Variants in CD80 observed in about 807,000 individuals in gnomAD.
The protein encoded by CD80 is CD80 molecule.
CD80 carries 13 observed loss-of-function variants against 27.1 expected under a neutral mutation model. The observed-to-expected ratio is 0.48, with a 90% CI of 0.31 to 0.76. CD80 has a LOEUF of 0.76. Ranked by LOEUF, CD80 falls within the 30% of genes least tolerant of loss-of-function variation. The pLI, the probability that CD80 is intolerant of heterozygous loss-of-function variation, is 0.04. For synonymous variants in CD80, 125 were observed against 125.5 expected (o/e 1.00, Z 0.03); for missense variants, 277 against 347.9 (o/e 0.80, Z 1.62).
intron 2 of CD80, among the ~76,000 whole-genome samples, chr3:119,556,751 C>T (rs2082266947): frequency 6.6e-6 from 1 of 152,128 alleles, no homozygotes; most frequent in Non-Finnish European, 1.5e-5. Flanking sequence ...CGGGTCTTTG[C>T]AGACTGGCAA....
intron 3 of CD80, among the ~76,000 whole-genome samples, chr3:119,538,409 C>G (rs573054031): frequency 6.6e-6 from 1 of 152,166 alleles, no homozygotes; most frequent in Non-Finnish European, 1.5e-5. Flanking sequence ...AACCCACCAT[C>G]CAACTTGAGA....
rs1207873013 is a variant in CD80, at chr3:119,525,004, A to C, written c.*784T>G. ...AACTAGCATAAAGCCATTTAAAGAG[A>C]TTATCAGTCCAATATGAACCAGTTA... On this transcript the variant is annotated 3_prime_UTR_variant, in exon 7 of 7. Transcript: ENST00000264246. 6.6e-6 allele frequency: 1 copy of C among 152,224 alleles called. No individual in the cohort carries two copies. The highest frequency in any genetic ancestry group is 1.5e-5 in the Non-Finnish European group (1 of 68,038). The allele number at this position is 152,224 out of a possible 1,614,324, so 9.4% of individuals were successfully genotyped here.
intron 3 of CD80, among the ~76,000 whole-genome samples, chr3:119,541,068 A>G (rs1476792409): frequency 6.6e-6 from 1 of 151,918 alleles, no homozygotes; most frequent in Non-Finnish European, 1.5e-5. Context: ...AAAAAGTTTC[A>G]AAATCTTTCT....
At chr3:119,536,757 T>G (rs2082140409) in intron 4 of CD80, among the ~76,000 whole-genome samples, 1 of 152,270 alleles carries the variant, frequency 6.6e-6, no homozygotes, top group Non-Finnish European at 1.5e-5. Flanking sequence ...TACAGTAATG[T>G]GCCATGTAAC....
At chr3:119,556,407 T>C (rs776800929) in intron 2 of CD80, among the ~76,000 whole-genome samples, 11 of 151,788 alleles carry the variant, frequency 7.2e-5, no homozygotes, top group Non-Finnish European at 1.6e-4. Context: ...AATTTCCTTC[T>C]ATATATTTTA....
At chr3:119,540,844 T>C (rs2082163964) in intron 3 of CD80, among the ~76,000 whole-genome samples, 2 of 151,840 alleles carry the variant, frequency 1.3e-5, no homozygotes, top group South Asian at 4.2e-4. Context: ...AGGTCAGGAG[T>C]TTGAGACCAC....
At chr3:119,542,477 AG>A (rs2082175423) in intron 3 of CD80, among the ~76,000 whole-genome samples, 1 of 152,178 alleles carries the variant, frequency 6.6e-6, no homozygotes. Context: ...CTCAAGTCCC[AG>A]GGGAAAAAGA....
chr3:119,544,443 G>T, intron 3 of CD80, 107 bp downstream of exon 3: 2 of 863,440 alleles, frequency 2.3e-6, no homozygotes, highest in Non-Finnish European at 1.8e-6. Flanking sequence ...GAAATGAAGT[G>T]AGATACATCC....
chr3:119,528,228 T>C (rs1229963068), intron 5 of CD80, among the ~76,000 whole-genome samples: 1 of 152,182 alleles, frequency 6.6e-6, no homozygotes, highest in Non-Finnish European at 1.5e-5. Context: ...AGAAACATCC[T>C]TGAGCCCACC....
Position 119,544,723 on chromosome 3 carries a change from T to A in CD80, c.245A>T (p.Asn82Ile), listed in dbSNP as rs140149683. 234 of 1,614,216 alleles carry A rather than the reference T, an allele frequency of 1.4e-4. 2 individuals are homozygous for A. In the African/African-American group the frequency reaches 2.8e-3, roughly 20 times the overall value. The change falls in exon 3 of 7, where the codon AAT becomes ATT. Residue 82 changes from asparagine (N) to isoleucine (I), a missense_variant. Physicochemically the swap from Asn to Ile is moderately radical, Grantham distance 149 (BLOSUM62 -3). Coordinates refer to ENST00000264246, the MANE Select transcript of CD80 (RefSeq NM_005191.4). ...CCGGTTCTTGTACTCGGGCCATATA[T>A]TCATGTCCCCAGACATCATAGTCAG... Reference protein sequence around the residue: ...MVLTMMSGDMNIWPEYKNRTI... With the variant: ...MVLTMMSGDMIIWPEYKNRTI...
chr3:119,552,548 C>G (rs1294279014), intron 2 of CD80, among the ~76,000 whole-genome samples: 1 of 143,662 alleles, frequency 7.0e-6, no homozygotes, highest in Admixed American at 6.9e-5. Context: ...AAGGACCTCT[C>G]AAGGGCTCAA....
chr3:119,536,229 C>T (rs1349660468), intron 4 of CD80, among the ~76,000 whole-genome samples: 4 of 151,864 alleles, frequency 2.6e-5, no homozygotes, highest in African/African-American at 9.7e-5. Context: ...CCAGCCTGGG[C>T]AACAGGGCGA....
intron 4 of CD80, among the ~76,000 whole-genome samples, chr3:119,531,649 T>TTTTATTTA (rs145319833): frequency 0.41 from 60,907 of 148,934 alleles, 14,104 homozygotes; most frequent in East Asian, 0.52. Flanking sequence ...CAGTGGTAAG[T>TTTTATTTA]TTTATTTATT....
At chr3:119,540,637 A>T (rs2082162757) in intron 3 of CD80, among the ~76,000 whole-genome samples, 1 of 152,194 alleles carries the variant, frequency 6.6e-6, no homozygotes, top group Non-Finnish European at 1.5e-5. Context: ...TATAACTAGG[A>T]ATAATAAATC....
intron 2 of CD80, among the ~76,000 whole-genome samples, chr3:119,553,103 C>CTTTA (rs61318964): frequency 0.016 from 2,176 of 134,090 alleles, 31 homozygotes; most frequent in East Asian, 0.025. Flanking sequence ...GAATTGTACA[C>CTTTA]TTTATTTATT....
chr3:119,536,986 T>C (rs1184061371), intron 4 of CD80, 151 bp downstream of exon 4: 6 of 763,376 alleles, frequency 7.9e-6, no homozygotes, highest in Non-Finnish European at 1.3e-5. Context: ...CTGTACCATC[T>C]AGGTTTATGT....
At chr3:119,556,134 A>T (rs1350079722) in intron 2 of CD80, among the ~76,000 whole-genome samples, 4 of 152,174 alleles carry the variant, frequency 2.6e-5, no homozygotes, top group African/African-American at 9.7e-5. Flanking sequence ...TTTATGGCCC[A>T]CCTGGCACAC....
At chr3:119,538,083 AT>A (rs1182844787) in intron 3 of CD80, among the ~76,000 whole-genome samples, 1 of 152,202 alleles carries the variant, frequency 6.6e-6, no homozygotes, top group Non-Finnish European at 1.5e-5. Context: ...ACCTTACCTC[AT>A]TTTGTCCTCA....
intron 3 of CD80, among the ~76,000 whole-genome samples, chr3:119,543,716 G>A (rs148649640): frequency 3.4e-4 from 52 of 150,738 alleles, no homozygotes; most frequent in Non-Finnish European, 3.4e-4. Flanking sequence ...CTGAGCCACC[G>A]CACCTGGCCC....
Sources: gnomAD v4.1 joint callset for allele counts (sites outside exome capture counted in the v4.1 genomes callset) on GRCh38, gnomAD v4.1.1 for gene constraint, MANE v1.5 for transcripts, NCBI Gene and HGNC (gene_info 2026-07-23, HGNC 2026-07-21) for gene names.